Variants in PRKG1 observed in about 807,000 individuals in gnomAD.
PRKG1 encodes the protein cGMP-dependent protein kinase 1.
A neutral mutation model predicts 88.1 loss-of-function variants in PRKG1; 35 were observed. The ratio of observed to expected loss-of-function variants is 0.40; its 90% CI spans 0.30 to 0.53. The LOEUF is 0.53. Ranked by LOEUF, PRKG1 falls within the 20% of genes least tolerant of loss-of-function variation. PRKG1 has a pLI of 0.59. For missense variants in PRKG1, 540 were observed against 839.8 expected, an observed-to-expected ratio of 0.64 and a Z score of 4.41; for synonymous variants, 303 against 292.5, an observed-to-expected ratio of 1.04 and a Z score of -0.37.
intron 10 of PRKG1, among the ~76,000 whole-genome samples, chr10:52,270,184 G>T (rs1043697145): frequency 1.3e-5 from 2 of 152,192 alleles, no homozygotes; most frequent in African/African-American, 4.8e-5. Context: ...AGAGACTAGG[G>T]TCCACCACTC....
intron 3 of PRKG1, among the ~76,000 whole-genome samples, chr10:51,501,790 C>CTT (rs5784871): frequency 0.013 from 1,484 of 113,730 alleles, 30 homozygotes; most frequent in Middle Eastern, 0.026. Flanking sequence ...ACTTTAGTTT[C>CTT]TTTTTTTTTT....
At position 51,306,858 on chromosome 10, in the gene PRKG1, T is replaced by C. The variant is rs578098299; in HGVS notation, c.478+153528T>C. On this transcript the variant is annotated intron_variant, in intron 2 of 17. Transcript: ENST00000373980. ...AACTCCTCTAAGGAAGTTGAGAATA[T>C]CTCCATTTATCCATTGAAGAAACTT... The C allele has an allele frequency of 4.6e-5, 7 of 152,350 alleles. No homozygotes were observed. The South Asian group carries it at 1.4e-3, about 32-fold the overall frequency. The allele number at this position is 152,350 out of a possible 1,614,324, so 9.4% of individuals were successfully genotyped here. A position where few individuals can be genotyped will look rare whatever the true frequency, so the allele number is the denominator to read the frequency against.
chr10:51,715,607 A>T (rs1041403494), intron 3 of PRKG1, among the ~76,000 whole-genome samples: 2 of 152,190 alleles, frequency 1.3e-5, no homozygotes, highest in African/African-American at 2.4e-5. Context: ...AACATCTGTT[A>T]AAAATAGCAG....
intron 7 of PRKG1, among the ~76,000 whole-genome samples, chr10:52,085,260 TCCCTC>T (rs1846882960): frequency 1.5e-5 from 2 of 132,286 alleles, no homozygotes; most frequent in Non-Finnish European, 3.2e-5. Flanking sequence ...TCTCCCTCCC[TCCCTC>T]CCTCCCACTT....
chr10:51,769,978 A>G (rs1838262031), intron 3 of PRKG1, among the ~76,000 whole-genome samples: 1 of 152,240 alleles, frequency 6.6e-6, no homozygotes, highest in Admixed American at 6.5e-5. Context: ...TGTGTTGTAC[A>G]ACCTTGTTGA....
At chr10:52,232,682 T>G (rs1840553506) in intron 9 of PRKG1, among the ~76,000 whole-genome samples, 1 of 152,206 alleles carries the variant, frequency 6.6e-6, no homozygotes, top group Admixed American at 6.5e-5. Context: ...GAAATGAAGA[T>G]ACCGTGTGAC....
chr10:51,287,622 G>T, intron 2 of PRKG1, among the ~76,000 whole-genome samples: 1 of 152,114 alleles, frequency 6.6e-6, no homozygotes, highest in Admixed American at 6.5e-5. Context: ...ATCTATAAAG[G>T]GAATGTCCTG....
intron 5 of PRKG1, among the ~76,000 whole-genome samples, chr10:51,939,496 G>A (rs541378854): frequency 1.3e-5 from 2 of 151,948 alleles, no homozygotes; most frequent in Admixed American, 1.3e-4. Flanking sequence ...GCTTAACATT[G>A]CTTTGCTTCT....
intron 5 of PRKG1, among the ~76,000 whole-genome samples, chr10:52,023,543 G>C (rs554344216): frequency 1.3e-5 from 2 of 152,334 alleles, no homozygotes; most frequent in South Asian, 4.1e-4. Context: ...CAGTGTAAAA[G>C]TGTTCCTGTT....
At chr10:51,832,743 T>C (rs1937696) in intron 4 of PRKG1, among the ~76,000 whole-genome samples, 31,831 of 152,014 alleles carry the variant, frequency 0.21, 5,346 homozygotes, top group African/African-American at 0.47. Context: ...GCAATTTGCA[T>C]TACAGAAAGA....
At chr10:51,853,664 TA>T (rs1340191963) in intron 4 of PRKG1, among the ~76,000 whole-genome samples, 2 of 152,164 alleles carry the variant, frequency 1.3e-5, no homozygotes, top group African/African-American at 2.4e-5. Flanking sequence ...TTCAAAATAC[TA>T]AATAACTATA....
intron 2 of PRKG1, among the ~76,000 whole-genome samples, chr10:51,316,999 G>A (rs1409538792): frequency 6.6e-6 from 1 of 152,186 alleles, no homozygotes; most frequent in Admixed American, 6.5e-5. Context: ...CTGCAGGCCA[G>A]TTGCAAGTAG....
At chr10:51,430,009 A>C (rs1167559470) in intron 2 of PRKG1, among the ~76,000 whole-genome samples, 1 of 152,084 alleles carries the variant, frequency 6.6e-6, no homozygotes, top group African/African-American at 2.4e-5. Context: ...TAATCTACAC[A>C]TTCAAGTATC....
chr10:51,852,214 T>TATAC (rs1491362846), intron 4 of PRKG1, among the ~76,000 whole-genome samples: 2 of 108,384 alleles, frequency 1.8e-5, no homozygotes, highest in African/African-American at 1.2e-4. Flanking sequence ...TTTATATGTG[T>TATAC]ATATATATAT....
intron 2 of PRKG1, among the ~76,000 whole-genome samples, chr10:51,286,716 A>G (rs987248050): frequency 1.3e-5 from 2 of 152,308 alleles, no homozygotes; most frequent in African/African-American, 4.8e-5. Context: ...ATCCCCCTTT[A>G]GCTATTTGAA....
intron 5 of PRKG1, among the ~76,000 whole-genome samples, chr10:51,982,006 C>A (rs1410112263): frequency 6.6e-6 from 1 of 152,080 alleles, no homozygotes; most frequent in Non-Finnish European, 1.5e-5. Flanking sequence ...AGGTTTTATT[C>A]ATTCCTTTTT....
At chr10:51,168,198 A>G (rs1024411137) in intron 2 of PRKG1, among the ~76,000 whole-genome samples, 6 of 152,070 alleles carry the variant, frequency 3.9e-5, no homozygotes, top group Non-Finnish European at 8.8e-5. Flanking sequence ...TAATAGCACT[A>G]TCTTTTTTGT....
At chr10:51,159,259 C>G (rs369639829) in intron 2 of PRKG1, among the ~76,000 whole-genome samples, 20 of 152,068 alleles carry the variant, frequency 1.3e-4, no homozygotes, top group African/African-American at 4.8e-4. Flanking sequence ...GCATTCAGAA[C>G]ACTACCTGAG....
At chr10:51,721,461 G>T (rs1023106091) in intron 3 of PRKG1, among the ~76,000 whole-genome samples, 1 of 152,100 alleles carries the variant, frequency 6.6e-6, no homozygotes, top group Non-Finnish European at 1.5e-5. Context: ...TTGCCTTCTT[G>T]CAGTTGCTTC....
Sources: allele counts gnomAD v4.1 joint callset (sites outside exome capture counted in the v4.1 genomes callset), GRCh38; gene constraint gnomAD v4.1.1; transcripts MANE v1.5; gene names NCBI Gene and HGNC (gene_info 2026-07-23, HGNC 2026-07-21).